SYNPO: variants seen among roughly 807,000 people sequenced by gnomAD.
SYNPO encodes synaptopodin.
In SYNPO, 19 loss-of-function variants were observed where a neutral mutation model predicts 49.5. The ratio of observed to expected loss-of-function variants is 0.38; its 90% CI spans 0.27 to 0.56. SYNPO has a LOEUF of 0.56. SYNPO is among the 20% of genes least tolerant of loss of function. SYNPO has a pLI of 0.68. For synonymous variants in SYNPO, 536 were observed against 548.0 expected (o/e 0.98, Z 0.31); for missense variants, 1,131 against 1,248.3 (o/e 0.91, Z 1.42).
At position 150,650,233 on chromosome 5, in the gene SYNPO, C is replaced by T. The variant is rs766754013; in HGVS notation, c.1958C>T (p.Ala653Val). ...GDISPVSPSR[A>V]WSPRAKQAPR... The stretch of plus-strand genomic sequence containing the variant: ...ATCTCCCCCGTGTCTCCCTCCAGGG[C>T]GTGGTCTCCCCGAGCCAAGCAGGCC... The change falls in exon 2 of 3, where the codon GCG becomes GTG. Residue 653 changes from alanine to valine, a missense_variant. Physicochemically the swap from Ala to Val is moderately conservative, Grantham distance 64. Coordinates refer to ENST00000307662, the MANE Select transcript of SYNPO (RefSeq NM_007286.6). The T allele has an allele frequency of 8.7e-6, 14 of 1,613,972 alleles. No individual in the cohort carries two copies. In the East Asian group the frequency reaches 1.1e-4, roughly 13 times the overall value.
intron 1 of SYNPO, among the ~76,000 whole-genome samples, chr5:150,602,995 A>AGGGG (rs373724432): frequency 4.1e-4 from 36 of 87,512 alleles, no homozygotes; most frequent in African/African-American, 1.7e-3. Context: ...TTGCCACCTT[A>AGGGG]GGGTGTGTGT....
chr5:150,589,440 C>T, the SYNPO span, among the ~76,000 whole-genome samples: 15 of 152,294 alleles, frequency 9.8e-5, no homozygotes, highest in African/African-American at 2.6e-4. Context: ...GCCATATAGA[C>T]GCTCTGCACG....
chr5:150,631,193 G>A (rs1757523790), intron 2 of SYNPO, among the ~76,000 whole-genome samples: 1 of 152,182 alleles, frequency 6.6e-6, no homozygotes. Context: ...CGAGGCACAG[G>A]GGCATGGACA....
intron 2 of SYNPO, among the ~76,000 whole-genome samples, chr5:150,633,026 A>G (rs1757593567): frequency 1.3e-5 from 2 of 152,152 alleles, no homozygotes; most frequent in African/African-American, 4.8e-5. Context: ...CTCATGAAAT[A>G]CCATGGTCAG....
intron 1 of SYNPO, among the ~76,000 whole-genome samples, chr5:150,611,105 A>G (rs1581454636): frequency 6.6e-6 from 1 of 152,150 alleles, no homozygotes; most frequent in Admixed American, 6.5e-5. Flanking sequence ...TGTTCATAGC[A>G]GTTTCTTTAT....
intron 2 of SYNPO, chr5:150,650,554 A>G (rs1229994402): frequency 1.4e-6 from 2 of 1,461,826 alleles, no homozygotes; most frequent in African/African-American, 2.9e-5. Flanking sequence ...GTCGGACTCC[A>G]TGTCTGAGCG....
At chr5:150,605,943 C>T (rs976660920) in intron 1 of SYNPO, among the ~76,000 whole-genome samples, 3 of 152,100 alleles carry the variant, frequency 2.0e-5, no homozygotes, top group African/African-American at 7.2e-5. Flanking sequence ...ATACATCACA[C>T]TTACACACTG....
At chr5:150,599,349 T>C (rs1262414461), upstream of SYNPO, among the ~76,000 whole-genome samples, 1 of 152,192 alleles carries the variant, frequency 6.6e-6, no homozygotes, top group Non-Finnish European at 1.5e-5. Flanking sequence ...GCCCCCTTTT[T>C]CATGGATGGT....
At chr5:150,622,788 C>A (rs1194969272) in intron 2 of SYNPO, among the ~76,000 whole-genome samples, 1 of 152,226 alleles carries the variant, frequency 6.6e-6, no homozygotes, top group African/African-American at 2.4e-5. Context: ...CCCCTCCACT[C>A]CCCTGCTCCA....
At position 150,648,318 on chromosome 5, in the gene SYNPO, G is replaced by A. The variant is rs1581509296; in HGVS notation, c.43G>A (p.Glu15Lys). Residue 15 changes from glutamate to lysine, a missense_variant, in exon 2 of 3, where the codon GAG becomes AAG. Physicochemically the swap from Glu to Lys is moderately conservative, Grantham distance 56. Coordinates refer to ENST00000307662, the MANE Select transcript of SYNPO (RefSeq NM_007286.6). This position sits in a 1 kb window ranked among gnomAD's most constrained non-coding sequence, Gnocchi z 5.0. ...GGAGGCTAGCTTGCTGCGGCACCTG[G>A]AGAAGGTGGCCAGTGAGGAGGAAGA... ...SEEASLLRHL[E>K]KVASEEEEVP... 1.2e-6 allele frequency: 2 copies of A among 1,614,174 alleles called. No homozygotes were observed. The highest frequency in any genetic ancestry group is 1.7e-6 in the Non-Finnish European group (2 of 1,180,026).
chr5:150,614,070 A>G (rs1207174227), intron 1 of SYNPO, among the ~76,000 whole-genome samples: 1 of 152,242 alleles, frequency 6.6e-6, no homozygotes, highest in East Asian at 1.9e-4. Flanking sequence ...GCAGGTGAGC[A>G]GCACACAGCA....
At chr5:150,642,466 C>A (rs914222150) in intron 1 of SYNPO, among the ~76,000 whole-genome samples, 1 of 152,184 alleles carries the variant, frequency 6.6e-6, no homozygotes, top group African/African-American at 2.4e-5. Flanking sequence ...ACAGCCAGGC[C>A]GATTGAGGGT....
chr5:150,647,076 C>G (rs946134891), intron 1 of SYNPO, among the ~76,000 whole-genome samples: 11 of 152,068 alleles, frequency 7.2e-5, no homozygotes, highest in Non-Finnish European at 1.5e-4. Context: ...AACCCCATCT[C>G]TACTAAAAAT....
At chr5:150,632,947 C>T (rs1242342346) in intron 2 of SYNPO, among the ~76,000 whole-genome samples, 2 of 152,146 alleles carry the variant, frequency 1.3e-5, no homozygotes, top group Non-Finnish European at 2.9e-5. Flanking sequence ...TTTCCCAGGA[C>T]CTAGAAACCA....
intron 2 of SYNPO, among the ~76,000 whole-genome samples, chr5:150,619,536 A>G (rs1045054698): frequency 6.6e-6 from 1 of 152,188 alleles, no homozygotes; most frequent in Admixed American, 6.5e-5. Context: ...CTGTCTGCAG[A>G]GCAGGGCGGG....
At chr5:150,655,712 G>A (rs1218198040) in intron 2 of SYNPO, among the ~76,000 whole-genome samples, 1 of 152,196 alleles carries the variant, frequency 6.6e-6, no homozygotes, top group Non-Finnish European at 1.5e-5. Flanking sequence ...GAGTGCGGTG[G>A]CACGATGTCG....
upstream of SYNPO, among the ~76,000 whole-genome samples, chr5:150,597,725 G>T (rs768381320): frequency 1.3e-5 from 2 of 152,080 alleles, no homozygotes; most frequent in African/African-American, 4.8e-5. Flanking sequence ...TGCAACCTGC[G>T]CTTCCCGGGT....
At chr5:150,613,429 T>G (rs2151356987) in intron 1 of SYNPO, among the ~76,000 whole-genome samples, 1 of 152,356 alleles carries the variant, frequency 6.6e-6, no homozygotes, top group South Asian at 2.1e-4. Context: ...CCTGCCTTCT[T>G]GCCTTCACTG....
At chr5:150,591,846 A>G in the SYNPO span, among the ~76,000 whole-genome samples, 1 of 152,216 alleles carries the variant, frequency 6.6e-6, no homozygotes, top group Non-Finnish European at 1.5e-5. Context: ...CTAGCACCCA[A>G]CTAAGACTTT....
Sources: allele counts gnomAD v4.1 joint callset (sites outside exome capture counted in the v4.1 genomes callset), GRCh38; gene constraint gnomAD v4.1.1; non-coding constraint Gnocchi (gnomAD v3.1); transcripts MANE v1.5; gene names NCBI Gene and HGNC (gene_info 2026-07-23, HGNC 2026-07-21).